YWHAB: variants seen among roughly 807,000 people sequenced by gnomAD.
YWHAB encodes the protein tyrosine 3-monooxygenase/tryptophan 5-monooxygenase activation protein beta.
YWHAB carries 2 observed loss-of-function variants against 28.5 expected under a neutral mutation model. That is an observed-to-expected ratio of 0.07 (90% CI 0.03 to 0.22). The LOEUF (loss-of-function observed/expected upper bound fraction) is 0.22. Among genes scored for constraint, YWHAB ranks in the 10% least tolerant of loss-of-function variants. The pLI is 1.00. For synonymous variants in YWHAB, 103 were observed against 104.7 expected (o/e 0.98, Z 0.10); for missense variants, 148 against 297.1 (o/e 0.50, Z 3.69).
rs113625869 is a variant in YWHAB at position 44,898,601 on chromosome 20, C to T, written c.-3-2930C>T. Reference sequence around the variant, plus strand: ...TCTGCTCACTGCAACCTCCGTCTTCCGGGTTCAAGCGATTCTCTTGCTCAG... The same window carrying T: ...TCTGCTCACTGCAACCTCCGTCTTCTGGGTTCAAGCGATTCTCTTGCTCAG... On this transcript the variant is annotated intron_variant, in intron 1 of 5. Coordinates refer to ENST00000353703, the MANE Select transcript of YWHAB (RefSeq NM_139323.4). Among the ~76,000 whole-genome samples, 269 of 151,934 alleles carry T rather than the reference C, an allele frequency of 1.8e-3. 1 individual carries two copies. Among genetic ancestry groups the T allele is most frequent in the Admixed American group, 8.1e-3 (123 of 15,276 alleles).
chr20:44,901,481 G>T (rs2066626205), intron 1 of YWHAB, 50 bp from the exon 2 acceptor site: 11 of 1,514,744 alleles, frequency 7.3e-6, no homozygotes, highest in Non-Finnish European at 9.8e-6. Context: ...CGTTTCCTAG[G>T]CCCCGAAACC....
In YWHAB at chr20:44,906,447, G is replaced by C. The variant is rs759679647; in HGVS notation, c.*9G>C. The C allele has an allele frequency of 1.2e-6, 2 of 1,601,034 alleles. No homozygotes were observed. Among genetic ancestry groups the C allele is most frequent in the Non-Finnish European group, 8.5e-7 (1 of 1,175,114 alleles). On this transcript the variant is annotated 3_prime_UTR_variant, in exon 6 of 6. Coordinates refer to ENST00000353703, the MANE Select transcript of YWHAB (RefSeq NM_139323.4). ...GGGAGGGAGAGAACTAATGTTTCTC[G>C]TGCTTTGTGATCTGTTCAGTGTCAC...
At chr20:44,894,706 A>G (rs2066585300) in intron 1 of YWHAB, among the ~76,000 whole-genome samples, 1 of 152,246 alleles carries the variant, frequency 6.6e-6, no homozygotes, top group Non-Finnish European at 1.5e-5. Context: ...GAAGATTTCC[A>G]CATTTAGTAT....
At chr20:44,892,653 A>G (rs1487949035) in intron 1 of YWHAB, among the ~76,000 whole-genome samples, 1 of 152,234 alleles carries the variant, frequency 6.6e-6, no homozygotes, top group African/African-American at 2.4e-5. Context: ...AATAAAAAAT[A>G]AGAATGGCTT....
At chr20:44,894,020 T>C (rs2066580336) in intron 1 of YWHAB, among the ~76,000 whole-genome samples, 2 of 152,134 alleles carry the variant, frequency 1.3e-5, no homozygotes, top group African/African-American at 4.8e-5. Flanking sequence ...TTTAAACCAT[T>C]CCCATATTGT....
chr20:44,893,637 A>G (rs890538058), intron 1 of YWHAB, among the ~76,000 whole-genome samples: 10 of 149,620 alleles, frequency 6.7e-5, no homozygotes, highest in Middle Eastern at 3.5e-3. Context: ...ATGACATTAA[A>G]TCTCTTCTTT....
chr20:44,886,172 G>T (rs2066526056), intron 1 of YWHAB: 2 of 152,578 alleles, frequency 1.3e-5, no homozygotes, highest in Non-Finnish European at 1.5e-5. Flanking sequence ...CGGAGCCGGG[G>T]ATCCCGGACC....
chr20:44,900,025 C>A (rs1279591582), intron 1 of YWHAB, among the ~76,000 whole-genome samples: 1 of 151,976 alleles, frequency 6.6e-6, no homozygotes, highest in Non-Finnish European at 1.5e-5. Context: ...TCATAACAGG[C>A]CCACTAAAAG....
At chr20:44,889,870 G>T (rs1277422121) in intron 1 of YWHAB, among the ~76,000 whole-genome samples, 1 of 152,118 alleles carries the variant, frequency 6.6e-6, no homozygotes. Context: ...GTTCATAATT[G>T]ATCTTTAGGA....
intron 1 of YWHAB, among the ~76,000 whole-genome samples, chr20:44,894,921 G>C (rs566295147): frequency 3.6e-4 from 55 of 152,312 alleles, no homozygotes; most frequent in Middle Eastern, 3.4e-3. Flanking sequence ...ATGATTTGTA[G>C]AAAAACTTGA....
In YWHAB at chr20:44,906,529, A is replaced by G. The variant is rs1293935300; in HGVS notation, c.*91A>G. On this transcript the variant is annotated 3_prime_UTR_variant, in exon 6 of 6. Coordinates refer to ENST00000353703, the MANE Select transcript of YWHAB (RefSeq NM_139323.4). ...TAAAAAAAAAAAAAAAAAAAAAAAG[A>G]GAATCGTACGTCGACTTTCGATTTT... The G allele has an allele frequency of 2.4e-5, 22 of 900,370 alleles. No homozygotes were observed. In the African/African-American group the frequency reaches 4.6e-4, roughly 19 times the overall value. The allele number at this position is 900,370 out of a possible 1,614,324, so 55.8% of individuals were successfully genotyped here.
At chr20:44,891,397 G>A (rs1018508228) in intron 1 of YWHAB, among the ~76,000 whole-genome samples, 8 of 152,198 alleles carry the variant, frequency 5.3e-5, no homozygotes, top group African/African-American at 1.7e-4. Flanking sequence ...GAGCCACCAC[G>A]CCCAGCCCAG....
intron 3 of YWHAB, 95 bp from the exon 4 acceptor site, chr20:44,904,873 C>G: frequency 7.8e-7 from 1 of 1,275,240 alleles, no homozygotes; most frequent in Non-Finnish European, 1.1e-6. Flanking sequence ...TTGCTCCTGC[C>G]CAGTTTGGGA....
intron 1 of YWHAB, among the ~76,000 whole-genome samples, chr20:44,897,282 C>A (rs530690950): frequency 6.6e-5 from 10 of 152,330 alleles, no homozygotes; most frequent in Admixed American, 5.2e-4. Context: ...CATTATGATA[C>A]CACATGGGAT....
At position 44,907,336 on chromosome 20, in the gene YWHAB, G is replaced by A. The variant is rs2066664056; in HGVS notation, c.*898G>A. The A allele has an allele frequency of 2.6e-5, 4 of 152,320 alleles. No homozygotes were observed. Among genetic ancestry groups the A allele is most frequent in the African/African-American group, 9.7e-5 (4 of 41,428 alleles). 9.4% of individuals were successfully genotyped at this position (152,320 alleles called of 1,614,324 possible). A position where few individuals can be genotyped will look rare whatever the true frequency, so the allele number is the denominator to read the frequency against. On this transcript the variant is annotated 3_prime_UTR_variant, in exon 6 of 6. Coordinates refer to ENST00000353703, the MANE Select transcript of YWHAB (RefSeq NM_139323.4). ...TGCGTGCATCTAGTCCCAACTATTT[G>A]GGAGGCTGAGGCAGGAGGATCGCTT...
intron 3 of YWHAB, 119 bp from the exon 4 acceptor site, chr20:44,904,849 C>A: frequency 2.0e-6 from 2 of 977,972 alleles, no homozygotes; most frequent in South Asian, 4.4e-5. Flanking sequence ...ACTGACACTT[C>A]ATTTGATAGG....
rs1315775944 is a variant in YWHAB, at chr20:44,901,776, C to G, written c.243C>G (p.Gly81=). 6.2e-7 allele frequency: 1 copy of G among 1,612,918 alleles called. No homozygotes were observed. The highest frequency in any genetic ancestry group is 8.5e-7 in the Non-Finnish European group (1 of 1,179,044). ...TERNEKKQQM[G]KEYREKIEAE... is the part of the protein sequence containing the mutation. ...GGAATGAGAAGAAGCAGCAGATGGG[C>G]AAAGAGTACCGTGAGAAGATAGAGG... The change falls in exon 2 of 6, where the codon GGC becomes GGG. Residue 81 remains glycine, a synonymous_variant. Coordinates refer to ENST00000353703, the MANE Select transcript of YWHAB (RefSeq NM_139323.4).
At chr20:44,896,495 T>C (rs1349680145) in intron 1 of YWHAB, among the ~76,000 whole-genome samples, 1 of 152,202 alleles carries the variant, frequency 6.6e-6, no homozygotes, top group Non-Finnish European at 1.5e-5. Context: ...GCACATATGA[T>C]GTGGAAGGCA....
At chr20:44,897,372 T>C (rs979266026) in intron 1 of YWHAB, among the ~76,000 whole-genome samples, 17 of 152,216 alleles carry the variant, frequency 1.1e-4, no homozygotes, top group Admixed American at 9.8e-4. Context: ...GGTACTGTTC[T>C]ATGAACTTTG....
Sources: gnomAD v4.1 joint callset for allele counts (sites outside exome capture counted in the v4.1 genomes callset) on GRCh38, gnomAD v4.1.1 for gene constraint, MANE v1.5 for transcripts, NCBI Gene and HGNC (gene_info 2026-07-23, HGNC 2026-07-21) for gene names.